The following LIMA1 variants were observed in gnomAD, a reference collection of about 807,000 sequenced individuals.
LIMA1 encodes LIM domain and actin binding 1.
LIMA1 carries 52 observed loss-of-function variants against 62.6 expected under a neutral mutation model. The observed-to-expected ratio is 0.83, with a 90% CI of 0.67 to 1.05. The LOEUF is 1.05. Ranked by LOEUF, LIMA1 falls within the 50% of genes least tolerant of loss-of-function variation. LIMA1 has a pLI of 0.00. For synonymous variants in LIMA1, 302 were observed against 317.8 expected (o/e 0.95, Z 0.53); for missense variants, 780 against 902.2 (o/e 0.86, Z 1.74).
chr12:50,202,942 G>A (rs1210488823), intron 6 of LIMA1, among the ~76,000 whole-genome samples: 2 of 151,216 alleles, frequency 1.3e-5, no homozygotes, highest in African/African-American at 2.4e-5. Context: ...ATATGTGTGT[G>A]TACATTTGTA....
intron 4 of LIMA1, among the ~76,000 whole-genome samples, chr12:50,220,225 A>G (rs756032095): frequency 3.3e-5 from 5 of 151,580 alleles, no homozygotes; most frequent in African/African-American, 4.9e-5. Context: ...ATGCCTGGCT[A>G]ATTTTTGTAT....
At chr12:50,258,541 C>A (rs561688425) in intron 1 of LIMA1, among the ~76,000 whole-genome samples, 2 of 152,164 alleles carry the variant, frequency 1.3e-5, no homozygotes, top group South Asian at 4.1e-4. Flanking sequence ...AAGTGATCCT[C>A]ACGCCTCAGC....
chr12:50,225,262 A>G (rs963780868), intron 3 of LIMA1, among the ~76,000 whole-genome samples: 2 of 152,050 alleles, frequency 1.3e-5, no homozygotes, highest in African/African-American at 4.8e-5. Context: ...ATTTTTCTCA[A>G]TTAAAAAAGT....
chr12:50,233,410 C>A (rs1252474045), intron 2 of LIMA1, among the ~76,000 whole-genome samples: 1 of 152,204 alleles, frequency 6.6e-6, no homozygotes, highest in Non-Finnish European at 1.5e-5. Context: ...TGATATCTTA[C>A]AATTGTTCTC....
intron 9 of LIMA1, 129 bp downstream of exon 9, chr12:50,192,323 C>T: frequency 1.4e-6 from 1 of 714,594 alleles, no homozygotes; most frequent in South Asian, 1.6e-5. Context: ...CTTCAGTGTG[C>T]TCTTCTGTGG....
At chr12:50,264,002 T>C (rs1263707572) in intron 1 of LIMA1, among the ~76,000 whole-genome samples, 1 of 151,550 alleles carries the variant, frequency 6.6e-6, no homozygotes, top group Non-Finnish European at 1.5e-5. Flanking sequence ...CAAAATGTGG[T>C]ATGCCCATAC....
At chr12:50,279,701 G>A (rs7967954) in intron 1 of LIMA1, among the ~76,000 whole-genome samples, 102,489 of 152,046 alleles carry the variant, frequency 0.67, 35,993 homozygotes, top group East Asian at 0.9. Context: ...CACTTGGTCA[G>A]TTATTGCCAA....
At chr12:50,227,279 C>T (rs1941546126) in intron 3 of LIMA1, among the ~76,000 whole-genome samples, 7 of 142,894 alleles carry the variant, frequency 4.9e-5, no homozygotes, top group Admixed American at 4.4e-4. Flanking sequence ...TGCTCTGTCA[C>T]CCAGGCTGGA....
intron 2 of LIMA1, 33 bp downstream of exon 2, chr12:50,248,600 A>G (rs777365076): frequency 6.1e-6 from 8 of 1,312,328 alleles, no homozygotes; most frequent in Non-Finnish European, 8.8e-6. Flanking sequence ...TGCTCCAGAC[A>G]GATGGTCCTT....
chr12:50,236,199 C>T (rs930692628), intron 2 of LIMA1, among the ~76,000 whole-genome samples: 1 of 151,974 alleles, frequency 6.6e-6, no homozygotes, highest in Non-Finnish European at 1.5e-5. Context: ...ACAAAAAGAA[C>T]ATCTCATGAC....
At chr12:50,179,346 T>C (rs865882308) in intron 10 of LIMA1, among the ~76,000 whole-genome samples, 6 of 152,114 alleles carry the variant, frequency 3.9e-5, no homozygotes, top group African/African-American at 1.2e-4. Flanking sequence ...TTCACCATGT[T>C]GGCCAGGATA....
rs60876815 is a variant in LIMA1, at chr12:50,207,889, C to CAA, written c.631-1823_631-1822dup. On this transcript the variant is annotated intron_variant, in intron 4 of 10. Coordinates refer to ENST00000341247, the MANE Select transcript of LIMA1 (RefSeq NM_016357.5). ...TGAGAAACAGAGTGAGACCCTGTCT[C>CAA]AAAAAAAAAAAAAAAGAAAAGAAAG... Among the ~76,000 whole-genome samples, 529 of 118,152 alleles carry CAA rather than the reference C, an allele frequency of 4.5e-3. 1 individual carries two copies. The highest frequency in any genetic ancestry group is 0.013 in the African/African-American group (399 of 31,254). The allele number at this position is 118,152 out of a possible 152,430, so 77.5% of individuals were successfully genotyped here.
chr12:50,180,420 A>G (rs1565826033), intron 10 of LIMA1, among the ~76,000 whole-genome samples: 1 of 152,144 alleles, frequency 6.6e-6, no homozygotes, highest in Non-Finnish European at 1.5e-5. Context: ...GGTTGCAGTG[A>G]GCCAGGATCA....
At chr12:50,214,884 T>A (rs868376507) in intron 4 of LIMA1, among the ~76,000 whole-genome samples, 1 of 152,216 alleles carries the variant, frequency 6.6e-6, no homozygotes, top group Non-Finnish European at 1.5e-5. Flanking sequence ...AAATAAGACA[T>A]ATTCAGAAAG....
At chr12:50,253,741 T>A (rs983232423) in intron 1 of LIMA1, among the ~76,000 whole-genome samples, 1 of 152,100 alleles carries the variant, frequency 6.6e-6, no homozygotes, top group African/African-American at 2.4e-5. Flanking sequence ...AGGTGTGGTA[T>A]TGGGGCCAGC....
intron 7 of LIMA1, chr12:50,196,157 AT>A (rs1479373404): frequency 2.7e-6 from 1 of 368,584 alleles, no homozygotes; most frequent in African/African-American, 2.1e-5. Context: ...ATCTCCCTTT[AT>A]AAAACAACTT....
At chr12:50,270,195 A>T (rs2138694576) in intron 1 of LIMA1, among the ~76,000 whole-genome samples, 1 of 136,456 alleles carries the variant, frequency 7.3e-6, no homozygotes, top group East Asian at 2.3e-4. Context: ...AGATCGCGCC[A>T]TTGTACTCTA....
intron 1 of LIMA1, among the ~76,000 whole-genome samples, chr12:50,281,013 CATCT>C (rs1394272886): frequency 6.6e-6 from 1 of 152,142 alleles, no homozygotes; most frequent in Non-Finnish European, 1.5e-5. Flanking sequence ...ATCTAAAAGT[CATCT>C]ATCTAATAGT....
intron 1 of LIMA1, among the ~76,000 whole-genome samples, chr12:50,271,020 AG>A (rs768532477): frequency 1.9e-4 from 29 of 152,174 alleles, no homozygotes; most frequent in Non-Finnish European, 4.0e-4. Context: ...TGAACCCAGG[AG>A]GCGGAGCTTG....
Sources: gnomAD v4.1 joint callset for allele counts (sites outside exome capture counted in the v4.1 genomes callset) on GRCh38, gnomAD v4.1.1 for gene constraint, MANE v1.5 for transcripts, NCBI Gene and HGNC (gene_info 2026-07-23, HGNC 2026-07-21) for gene names.